UNC13C: variants seen among roughly 807,000 people sequenced by gnomAD.
UNC13C encodes protein unc-13 homolog C.
A neutral mutation model predicts 245.4 loss-of-function variants in UNC13C; 174 were observed. That is an observed-to-expected ratio of 0.71 (90% confidence interval 0.63 to 0.80). The LOEUF (loss-of-function observed/expected upper bound fraction) is 0.80. Among genes scored for constraint, UNC13C ranks in the 30% least tolerant of loss-of-function variants. The probability of loss-of-function intolerance (pLI) is 0.00; values close to 1 mark genes in which losing one functional copy is unlikely to be tolerated. For synonymous variants in UNC13C, 992 were observed against 895.1 expected (o/e 1.11, Z -1.93); for missense variants, 2,829 against 2,602.9 (o/e 1.09, Z -1.89).
chr15:54,462,757 C>T (rs1891921728), intron 19 of UNC13C, among the ~76,000 whole-genome samples: 1 of 152,214 alleles, frequency 6.6e-6, no homozygotes, highest in South Asian at 2.1e-4. Context: ...CCCGCGCAGC[C>T]CGAGGAGCCT....
intron 17 of UNC13C, among the ~76,000 whole-genome samples, chr15:54,346,759 C>T (rs1441794023): frequency 6.6e-6 from 1 of 152,104 alleles, no homozygotes; most frequent in East Asian, 1.9e-4. Flanking sequence ...AGCTTAGGAA[C>T]TCCAATGTGT....
Position 54,248,714 on chromosome 15 carries a change from T to C in UNC13C, c.3229-1511T>C, listed in dbSNP as rs1222556475. Among the ~76,000 whole-genome samples, 3 of 152,214 alleles carry C rather than the reference T, an allele frequency of 2.0e-5. No homozygotes were observed. In the East Asian group the frequency reaches 5.8e-4, roughly 29 times the overall value. The stretch of plus-strand genomic sequence containing the variant: ...CGAATTTGACCATACTGCTGCTCTG[T>C]AGACTCACTTGAAGTATAAAGAGCT... On this transcript the variant is annotated intron_variant, in intron 7 of 32. Coordinates refer to ENST00000260323, the MANE Select transcript of UNC13C (RefSeq NM_001080534.3).
chr15:54,502,456 G>A (rs1165705595), intron 22 of UNC13C, among the ~76,000 whole-genome samples: 1 of 152,042 alleles, frequency 6.6e-6, no homozygotes, highest in Non-Finnish European at 1.5e-5. Flanking sequence ...TTAAATAATA[G>A]CCAGTAATCA....
Position 54,546,737 on chromosome 15 carries a change from A to T in UNC13C, c.5712A>T (p.Ala1904=). ...TTTTTTTCAGATTAAGTCTCTCAGCAAAAATCTGTGAGAAAACAGTCCTAA... is the reference window on the plus strand; with the variant it reads ...TTTTTTTCAGATTAAGTCTCTCAGCTAAAATCTGTGAGAAAACAGTCCTAA... The part of the protein sequence containing the change: ...DFLDKTLSLS[A]KICEKTVLKR... The change falls in exon 27 of 33, where the codon GCA becomes GCT. Residue 1904 remains alanine (A), a synonymous_variant. Coordinates refer to ENST00000260323, the MANE Select transcript of UNC13C (RefSeq NM_001080534.3). 1 of 1,510,532 alleles carries T rather than the reference A, an allele frequency of 6.6e-7. No individual in the cohort carries two copies. Among genetic ancestry groups the T allele is most frequent in the East Asian group, 2.5e-5 (1 of 39,716 alleles). 93.6% of individuals were successfully genotyped at this position (1,510,532 alleles called of 1,614,324 possible).
chr15:54,479,160 A>G (rs1892954413), intron 19 of UNC13C, among the ~76,000 whole-genome samples: 1 of 152,084 alleles, frequency 6.6e-6, no homozygotes, highest in African/African-American at 2.4e-5. Flanking sequence ...GCAGTGCTTC[A>G]ATAATCACGG....
intron 19 of UNC13C, among the ~76,000 whole-genome samples, chr15:54,494,198 G>T (rs367650784): frequency 6.6e-6 from 1 of 152,142 alleles, no homozygotes. Context: ...AAACCTGCAC[G>T]TTGTGCACAT....
upstream of UNC13C, among the ~76,000 whole-genome samples, chr15:53,977,227 C>T (rs768326163): frequency 1.3e-5 from 2 of 152,150 alleles, no homozygotes; most frequent in African/African-American, 2.4e-5. Flanking sequence ...GCTGCTAGTA[C>T]CCAACATATA....
At chr15:54,434,884 A>G (rs1166252825) in intron 19 of UNC13C, among the ~76,000 whole-genome samples, 1 of 152,158 alleles carries the variant, frequency 6.6e-6, no homozygotes, top group African/African-American at 2.4e-5. Flanking sequence ...AAACAAATTT[A>G]CAAGAAAAAA....
At chr15:53,889,213 C>G in the UNC13C span, among the ~76,000 whole-genome samples, 4 of 152,082 alleles carry the variant, frequency 2.6e-5, no homozygotes, top group African/African-American at 9.7e-5. Context: ...TGTTTGTGTC[C>G]TCTCTTATTT....
At chr15:54,058,688 T>C (rs886493293) in intron 2 of UNC13C, among the ~76,000 whole-genome samples, 1 of 152,206 alleles carries the variant, frequency 6.6e-6, no homozygotes, top group Non-Finnish European at 1.5e-5. Context: ...ATATCCTTGA[T>C]GAACTTTGAT....
At chr15:54,035,531 T>C (rs1423450646) in intron 2 of UNC13C, among the ~76,000 whole-genome samples, 2 of 152,160 alleles carry the variant, frequency 1.3e-5, no homozygotes, top group Admixed American at 6.5e-5. Context: ...TATGGGAAGC[T>C]CCCTCTAAAT....
chr15:54,473,218 A>T (rs1002839082), intron 19 of UNC13C, among the ~76,000 whole-genome samples: 27 of 133,566 alleles, frequency 2.0e-4, no homozygotes, highest in East Asian at 5.4e-4. Flanking sequence ...ATTTTATTTT[A>T]TTTTATTTTA....
chr15:54,322,372 A>G (rs117516053), intron 14 of UNC13C, among the ~76,000 whole-genome samples: 9 of 152,166 alleles, frequency 5.9e-5, no homozygotes, highest in Non-Finnish European at 1.3e-4. Context: ...GGGACTTTAT[A>G]GGGAATTCTC....
At chr15:54,032,679 G>T (rs1268546504) in intron 2 of UNC13C, among the ~76,000 whole-genome samples, 3 of 152,170 alleles carry the variant, frequency 2.0e-5, no homozygotes, top group African/African-American at 7.2e-5. Context: ...AATAATAAGA[G>T]CCTAAAGGTT....
chr15:54,600,929 G>A (rs1387423509), intron 30 of UNC13C, among the ~76,000 whole-genome samples: 3 of 151,966 alleles, frequency 2.0e-5, no homozygotes, highest in African/African-American at 7.2e-5. Context: ...CACATTGGAA[G>A]AATAAGAATT....
At chr15:54,199,414 A>G (rs1319823836) in intron 4 of UNC13C, among the ~76,000 whole-genome samples, 1 of 152,178 alleles carries the variant, frequency 6.6e-6, no homozygotes, top group East Asian at 1.9e-4. Flanking sequence ...GTCTAGACAA[A>G]GGAAAGAATC....
At chr15:54,607,706 G>T (rs1899844767) in intron 30 of UNC13C, among the ~76,000 whole-genome samples, 1 of 152,084 alleles carries the variant, frequency 6.6e-6, no homozygotes, top group Non-Finnish European at 1.5e-5. Flanking sequence ...AAGGCAGAGG[G>T]GAAGCAAGAG....
At chr15:54,150,062 T>C (rs973754643) in intron 4 of UNC13C, among the ~76,000 whole-genome samples, 2 of 152,230 alleles carry the variant, frequency 1.3e-5, no homozygotes, top group Non-Finnish European at 2.9e-5. Context: ...TCTTTTCACA[T>C]GGCTTTGAAT....
intron 16 of UNC13C, 94 bp downstream of exon 16, chr15:54,333,950 C>T: frequency 2.4e-6 from 2 of 835,142 alleles, no homozygotes; most frequent in Non-Finnish European, 4.0e-6. Context: ...TGATCAAGTA[C>T]TGTGTTAACT....
Sources: allele counts gnomAD v4.1 joint callset (sites outside exome capture counted in the v4.1 genomes callset), GRCh38; gene constraint gnomAD v4.1.1; transcripts MANE v1.5; gene names NCBI Gene and HGNC (gene_info 2026-07-23, HGNC 2026-07-21).